The following AUH variants were observed in gnomAD, a reference collection of about 807,000 sequenced individuals.
The protein encoded by AUH is AU RNA binding methylglutaconyl-CoA hydratase.
Under a neutral mutation model 42.3 loss-of-function variants are expected in AUH, and 29 were observed. The observed-to-expected ratio is 0.69, with a 90% CI of 0.51 to 0.93. The LOEUF (loss-of-function observed/expected upper bound fraction) is 0.93, where lower values mean the gene tolerates loss of function less well. Among genes scored for constraint, AUH ranks in the 40% least tolerant of loss-of-function variants. The pLI is 0.00. For synonymous variants in AUH, 174 were observed against 166.4 expected (o/e 1.05, Z -0.35); for missense variants, 452 against 438.1 (o/e 1.03, Z -0.28).
At chr9:91,302,268 G>C (rs775332015) in intron 4 of AUH, among the ~76,000 whole-genome samples, 23 of 151,988 alleles carry the variant, frequency 1.5e-4, no homozygotes, top group Admixed American at 3.9e-4. Flanking sequence ...AGGAGTTGGC[G>C]ACCAGCCTGG....
chr9:91,309,221 G>T (rs1180664898), intron 4 of AUH, among the ~76,000 whole-genome samples: 1 of 151,800 alleles, frequency 6.6e-6, no homozygotes, highest in Non-Finnish European at 1.5e-5. Context: ...AACCCATGAG[G>T]GATCCACTCC....
At position 91,217,386 on chromosome 9, in the gene AUH, A is replaced by G. The variant is rs1372890446; in HGVS notation, c.844-59T>C. On this transcript the variant is annotated intron_variant, in intron 7 of 9. Coordinates refer to ENST00000375731, the MANE Select transcript of AUH (RefSeq NM_001698.3). ...ATTTTTTATGCAAATTATGTCGTATATCTCAGTAAAATTCAGAATTCCCAC... is the reference window on the plus strand; with the variant it reads ...ATTTTTTATGCAAATTATGTCGTATGTCTCAGTAAAATTCAGAATTCCCAC... 5.8e-6 allele frequency: 9 copies of G among 1,541,424 alleles called. No homozygotes were observed. In the East Asian group the frequency reaches 2.0e-4, roughly 35 times the overall value.
chr9:91,339,887 C>T (rs369179477), intron 3 of AUH, among the ~76,000 whole-genome samples: 1 of 152,154 alleles, frequency 6.6e-6, no homozygotes, highest in South Asian at 2.1e-4. Flanking sequence ...GGTACCCCAA[C>T]AAAGCACTGT....
intron 7 of AUH, chr9:91,218,788 T>C (rs1826966824): frequency 3.0e-6 from 3 of 984,968 alleles, no homozygotes; most frequent in Non-Finnish European, 3.6e-6. Context: ...TTACAAAAGC[T>C]TTCAGTTATC....
At chr9:91,306,427 CTA>C in intron 4 of AUH, 1 of 970,956 alleles carries the variant, frequency 1.0e-6, no homozygotes, top group Non-Finnish European at 1.2e-6. Flanking sequence ...GCAGTCACTT[CTA>C]TTTCTGATAA....
Position 91,361,517 on chromosome 9 carries a change from C to T in AUH, c.262+111G>A. On this transcript the variant is annotated intron_variant, in intron 1 of 9. Transcript: ENST00000375731. The stretch of plus-strand genomic sequence containing the variant: ...AAAGGGGAGGGACCCAGGTTCGGTG[C>T]GCCTGCCTGACCTCGACCCCGCGTC... 3 of 1,435,162 alleles carry T rather than the reference C, an allele frequency of 2.1e-6. No homozygotes were observed. The South Asian group carries it at 4.1e-5, about 19-fold the overall frequency. 88.9% of individuals were successfully genotyped at this position (1,435,162 alleles called of 1,614,324 possible).
intron 6 of AUH, among the ~76,000 whole-genome samples, chr9:91,292,975 T>TGTATCTCTTATC (rs1827031820): frequency 6.6e-6 from 1 of 152,188 alleles, no homozygotes; most frequent in Non-Finnish European, 1.5e-5. Context: ...TTTTCATTAT[T>TGTATCTCTTATC]GTATCTCTTA....
At chr9:91,321,795 T>G (rs898772527) in intron 4 of AUH, among the ~76,000 whole-genome samples, 7 of 152,150 alleles carry the variant, frequency 4.6e-5, no homozygotes, top group African/African-American at 1.7e-4. Context: ...AAATTCAAAT[T>G]TGGGTATGCA....
At chr9:91,261,178 G>A (rs189669265) in intron 6 of AUH, among the ~76,000 whole-genome samples, 2 of 152,106 alleles carry the variant, frequency 1.3e-5, no homozygotes, top group East Asian at 3.9e-4. Context: ...TTTATTGGTT[G>A]CTAGATATTA....
chr9:91,348,463 T>C (rs1255848815), intron 3 of AUH, among the ~76,000 whole-genome samples: 2 of 152,186 alleles, frequency 1.3e-5, no homozygotes, highest in East Asian at 1.9e-4. Context: ...ACAGAAGTGA[T>C]GCATAAAAGC....
chr9:91,334,834 A>G (rs889715327), intron 3 of AUH, among the ~76,000 whole-genome samples: 1 of 152,220 alleles, frequency 6.6e-6, no homozygotes, highest in South Asian at 2.1e-4. Context: ...TGTGGTGCCA[A>G]TTCGAACACC....
chr9:91,280,210 T>C (rs1825856474), intron 6 of AUH, among the ~76,000 whole-genome samples: 1 of 152,252 alleles, frequency 6.6e-6, no homozygotes. Flanking sequence ...CTTCCTTGAT[T>C]AACTTTCTAC....
rs538435655 is a variant in AUH, at chr9:91,253,203, A to C, written c.656-32211T>G. 3.3e-5 allele frequency among the ~76,000 whole-genome samples: 5 copies of C among 152,360 alleles called. No individual in the cohort carries two copies. In the South Asian group the frequency reaches 1.0e-3, roughly 32 times the overall value. ...TCTTTCTCAAGGGAAATTTGAAAAA[A>C]TTAATTTACTAGTTACCATTCTAAT... On this transcript the variant is annotated intron_variant, in intron 6 of 9. Transcript: ENST00000375731.
intron 5 of AUH, among the ~76,000 whole-genome samples, chr9:91,297,705 A>T (rs147118137): frequency 3.3e-4 from 50 of 151,340 alleles, no homozygotes; most frequent in African/African-American, 1.1e-3. Context: ...TGATCCTCCC[A>T]CCTCAGCCTC....
intron 6 of AUH, among the ~76,000 whole-genome samples, chr9:91,221,529 TTTCTC>T (rs1185313727): frequency 3.9e-5 from 6 of 152,166 alleles, no homozygotes; most frequent in African/African-American, 1.4e-4. Flanking sequence ...CTGGTGGTAT[TTTCTC>T]AGTGCAAGTC....
chr9:91,275,739 T>C (rs61021072), intron 6 of AUH, among the ~76,000 whole-genome samples: 17,460 of 152,220 alleles, frequency 0.11, 1,127 homozygotes, highest in African/African-American at 0.17. Flanking sequence ...TCTCTGCCAC[T>C]GAAATGCTAG....
intron 3 of AUH, among the ~76,000 whole-genome samples, chr9:91,343,751 T>G (rs1587903295): frequency 1.3e-5 from 2 of 151,902 alleles, no homozygotes; most frequent in Admixed American, 6.6e-5. Context: ...AAATAAATAA[T>G]CAATCAGATA....
intron 6 of AUH, among the ~76,000 whole-genome samples, chr9:91,270,594 C>T (rs1475877363): frequency 6.6e-6 from 1 of 152,054 alleles, no homozygotes; most frequent in Non-Finnish European, 1.5e-5. Flanking sequence ...TCAAAGTAGA[C>T]ACCCCTTGTA....
intron 3 of AUH, among the ~76,000 whole-genome samples, chr9:91,340,276 GT>G (rs748275848): frequency 3.0e-4 from 45 of 151,988 alleles, no homozygotes; most frequent in Non-Finnish European, 5.6e-4. Flanking sequence ...TGTCCTATCT[GT>G]CACAAAACAA....
Sources: gnomAD v4.1 joint callset for allele counts (sites outside exome capture counted in the v4.1 genomes callset) on GRCh38, gnomAD v4.1.1 for gene constraint, MANE v1.5 for transcripts, NCBI Gene and HGNC (gene_info 2026-07-23, HGNC 2026-07-21) for gene names.